The following TBC1D14 variants were observed in gnomAD, a reference collection of about 807,000 sequenced individuals.
TBC1D14 encodes TBC1 domain family, member 14.
Under a neutral mutation model 79.0 loss-of-function variants are expected in TBC1D14, and 26 were observed. The ratio of observed to expected loss-of-function variants is 0.33; its 90% CI spans 0.24 to 0.46. TBC1D14 has a LOEUF of 0.46. Ranked by LOEUF, TBC1D14 falls within the 20% of genes least tolerant of loss-of-function variation. The probability of loss-of-function intolerance (pLI) is 1.00; values close to 1 mark genes in which losing one functional copy is unlikely to be tolerated. For missense variants in TBC1D14, 769 were observed against 887.6 expected (o/e 0.87, Z 1.70); for synonymous variants, 394 against 349.9 (o/e 1.13, Z -1.40).
chr4:7,028,797 G>T (rs1037882122), intron 13 of TBC1D14, among the ~76,000 whole-genome samples: 1 of 151,858 alleles, frequency 6.6e-6, no homozygotes, highest in Non-Finnish European at 1.5e-5. Flanking sequence ...CTCAAATCCT[G>T]TGCTTAAGGT....
In TBC1D14 at chr4:7,015,436, G is replaced by A. The variant is rs911122443; in HGVS notation, c.1757+879G>A. Among the ~76,000 whole-genome samples the A allele has an allele frequency of 2.0e-5, 3 of 152,306 alleles. No individual in the cohort carries two copies. The East Asian group carries it at 5.8e-4, about 29-fold the overall frequency. ...AAAGGGAGAAGATTCGGCCAGGGCA[G>A]TTAGTGGATTTGACTTCAGATGGGT... On this transcript the variant is annotated intron_variant, in intron 12 of 13. Transcript: ENST00000409757.
At chr4:6,978,078 GC>G (rs1242766717) in intron 3 of TBC1D14, among the ~76,000 whole-genome samples, 2 of 149,494 alleles carry the variant, frequency 1.3e-5, no homozygotes, top group East Asian at 2.0e-4. Context: ...GTGGGGGTCA[GC>G]CCCCCGCCTG....
chr4:6,989,419 C>G (rs527776985), intron 3 of TBC1D14, among the ~76,000 whole-genome samples: 28 of 152,334 alleles, frequency 1.8e-4, no homozygotes, highest in Admixed American at 1.4e-3. Context: ...GCCACTGCTT[C>G]TGCTGTCAGA....
chr4:6,923,679 C>A lies in TBC1D14; in HGVS notation c.290C>A (p.Pro97His). ...AAGCAGTCCGACTCCGACCTCATCC[C>A]CGAGCGGGCCTTCCAGAGCGCCTGC... ...RRKQSDSDLIPERAFQSACAL... is the reference protein window; with the variant it reads ...RRKQSDSDLIHERAFQSACAL... Residue 97 changes from proline to histidine, a missense_variant, in exon 2 of 14, where the codon CCC becomes CAC. Around this residue, in one of 2 missense-constraint regions of TBC1D14, gnomAD observed 402 missense variants for 393.2 expected, o/e 1.02. Coordinates refer to ENST00000409757, the MANE Select transcript of TBC1D14 (RefSeq NM_020773.3). 6.2e-7 allele frequency: 1 copy of A among 1,613,812 alleles called. No homozygotes were observed. Among genetic ancestry groups the A allele is most frequent in the Non-Finnish European group, 8.5e-7 (1 of 1,180,034 alleles).
chr4:6,947,995 C>A (rs1250152418), intron 2 of TBC1D14, among the ~76,000 whole-genome samples: 3 of 152,154 alleles, frequency 2.0e-5, no homozygotes, highest in Admixed American at 1.3e-4. Context: ...ATGCAATACT[C>A]CCAGCTCTGT....
At chr4:7,002,518 A>G (rs1293111693) in intron 7 of TBC1D14, among the ~76,000 whole-genome samples, 1 of 152,198 alleles carries the variant, frequency 6.6e-6, no homozygotes, top group Non-Finnish European at 1.5e-5. Flanking sequence ...TTACATGTTT[A>G]GACATGAGTC....
At chr4:6,913,275 G>A (rs1400887189) in intron 1 of TBC1D14, among the ~76,000 whole-genome samples, 2 of 152,122 alleles carry the variant, frequency 1.3e-5, no homozygotes, top group African/African-American at 2.4e-5. Flanking sequence ...GATTACAGGC[G>A]TGAGCCACCA....
At position 6,943,721 on chromosome 4, in the gene TBC1D14, C is replaced by T. The variant is rs895661078; in HGVS notation, c.722+19610C>T. On this transcript the variant is annotated intron_variant, in intron 2 of 13. Transcript: ENST00000409757. ...TTTGAGACCACACTAGCCCACTCCCCGCCCCCTCCTGGAACCTTGAGCTTC... is the reference window on the plus strand; with the variant it reads ...TTTGAGACCACACTAGCCCACTCCCTGCCCCCTCCTGGAACCTTGAGCTTC... 5.3e-5 allele frequency among the ~76,000 whole-genome samples: 8 copies of T among 152,318 alleles called. No homozygotes were observed. The South Asian group carries it at 1.2e-3, about 24-fold the overall frequency.
chr4:6,912,116 C>T (rs982835616), intron 1 of TBC1D14, among the ~76,000 whole-genome samples: 5 of 152,038 alleles, frequency 3.3e-5, no homozygotes, highest in African/African-American at 7.2e-5. Flanking sequence ...TTCAGCTGGG[C>T]GCAGTGGCTC....
rs1723439138 is a variant in TBC1D14, at chr4:6,916,838, A to G, written c.-17-6535A>G. On this transcript the variant is annotated intron_variant, in intron 1 of 13. Transcript: ENST00000409757. ...ACTTGTGTTCAGTGCCTCCCGTGGC[A>G]GGGTGCTGGGTCAGGTGCTGGGGCG... 2.0e-5 allele frequency among the ~76,000 whole-genome samples: 3 copies of G among 152,352 alleles called. 1 individual carries two copies. The highest frequency in any genetic ancestry group is 6.8e-3 in the Middle Eastern group (2 of 294).
At chr4:6,930,337 G>A (rs1711607985) in intron 2 of TBC1D14, among the ~76,000 whole-genome samples, 1 of 152,202 alleles carries the variant, frequency 6.6e-6, no homozygotes, top group Non-Finnish European at 1.5e-5. Flanking sequence ...CGTTTGTCAC[G>A]GGGCCTGCTG....
At chr4:6,987,458 G>A (rs1717978015) in intron 3 of TBC1D14, 2 of 1,085,974 alleles carry the variant, frequency 1.8e-6, no homozygotes, top group African/African-American at 1.6e-5. Flanking sequence ...GCAGGTGGAG[G>A]GTGCGAGTGT....
In TBC1D14 at chr4:7,025,165, A is replaced by G. The variant is rs751624907; in HGVS notation, c.1919A>G (p.Gln640Arg). 6.2e-7 allele frequency: 1 copy of G among 1,614,224 alleles called. No homozygotes were observed. Among genetic ancestry groups the G allele is most frequent in the Admixed American group, 1.7e-5 (1 of 60,030 alleles). ...LTKMDFIHMA[Q>R]FLTRLPEDLP... ...AAGATGGACTTCATTCACATGGCCC[A>G]GTTCCTGACCCGGCTGCCCGAGGAC... Residue 640 changes from glutamine (Q) to arginine (R), a missense_variant, in exon 13 of 14, where the codon CAG (glutamine) becomes CGG (arginine). By Grantham distance (43) the Gln-to-Arg change is conservative. Around this residue, in one of 2 missense-constraint regions of TBC1D14, gnomAD observed 367 missense variants for 494.4 expected, o/e 0.74. Coordinates refer to ENST00000409757, the MANE Select transcript of TBC1D14 (RefSeq NM_020773.3).
chr4:6,994,110 C>T lies in TBC1D14; in HGVS notation c.844-74C>T, dbSNP rs1718773438. On this transcript the variant is annotated intron_variant, in intron 3 of 13. Transcript: ENST00000409757. ...GGCTTAAAAGAGTTTCATGACAAAA[C>T]AACTTTCTTACTTTCCGAAGGACTT... 6.1e-6 allele frequency: 8 copies of T among 1,309,560 alleles called. No homozygotes were observed. The Admixed American group carries it at 1.0e-4, about 17-fold the overall frequency. 81.1% of individuals were successfully genotyped at this position (1,309,560 alleles called of 1,614,324 possible).
rs544558127 is a variant in TBC1D14, at chr4:6,923,853, C to T, written c.464C>T (p.Ser155Phe). ...SKALTRSDDVSVCSVSSLGTE... is the reference protein window; with the variant it reads ...SKALTRSDDVFVCSVSSLGTE... ...GCCCTGACCCGCAGCGATGATGTCT[C>T]CGTCTGCAGCGTGTCCAGTCTTGGG... The change falls in exon 2 of 14, where the codon TCC becomes TTC. Residue 155 changes from serine (S) to phenylalanine (F), a missense_variant. Around this residue, in one of 2 missense-constraint regions of TBC1D14, gnomAD observed 402 missense variants for 393.2 expected, o/e 1.02. Coordinates refer to ENST00000409757, the MANE Select transcript of TBC1D14 (RefSeq NM_020773.3). 246 of 1,614,076 alleles carry T rather than the reference C, an allele frequency of 1.5e-4. No homozygotes were observed. Among genetic ancestry groups the T allele is most frequent in the South Asian group, 4.0e-4 (36 of 91,088 alleles).
At chr4:6,963,631 C>T (rs1285429996) in intron 2 of TBC1D14, among the ~76,000 whole-genome samples, 1 of 152,216 alleles carries the variant, frequency 6.6e-6, no homozygotes, top group African/African-American at 2.4e-5. Flanking sequence ...GATGTCCTTT[C>T]AGCCCAGACC....
In TBC1D14 at chr4:6,947,688, G is replaced by C. The variant is rs1183757000; in HGVS notation, c.723-19616G>C. 1.1e-4 allele frequency among the ~76,000 whole-genome samples: 16 copies of C among 151,118 alleles called. No individual in the cohort carries two copies. In the South Asian group the frequency reaches 3.3e-3, roughly 32 times the overall value. ...AAAAAAAAAAAAAAAAATCTAAGCT[G>C]ATGTTAGAGAGTGGATCCCTGTTTA... is the stretch of plus-strand genomic sequence containing the variant. On this transcript the variant is annotated intron_variant, in intron 2 of 13. Coordinates refer to ENST00000409757, the MANE Select transcript of TBC1D14 (RefSeq NM_020773.3).
At chr4:7,023,145 T>C (rs576884965) in intron 12 of TBC1D14, among the ~76,000 whole-genome samples, 1 of 152,116 alleles carries the variant, frequency 6.6e-6, no homozygotes, top group East Asian at 1.9e-4. Context: ...TCCCAGCTAC[T>C]TGGGAGGCTG....
chr4:6,961,885 C>T (rs1715236828), intron 2 of TBC1D14, among the ~76,000 whole-genome samples: 1 of 152,078 alleles, frequency 6.6e-6, no homozygotes. Context: ...CTGGTGTTAA[C>T]CTGGAAGACC....
Sources: allele counts gnomAD v4.1 joint callset (sites outside exome capture counted in the v4.1 genomes callset), GRCh38; gene constraint gnomAD v4.1.1; regional missense constraint gnomAD v4.1.1; transcripts MANE v1.5; gene names NCBI Gene and HGNC (gene_info 2026-07-23, HGNC 2026-07-21).